Variants in PLEKHA6 observed in about 807,000 individuals in gnomAD.
The protein encoded by PLEKHA6 is pleckstrin homology domain containing A6, also known as pleckstrin homology domain-containing family A member 6.
In PLEKHA6, 60 loss-of-function variants were observed where a neutral mutation model predicts 116.7. That is an observed-to-expected ratio of 0.51 (90% CI 0.42 to 0.64). The LOEUF (loss-of-function observed/expected upper bound fraction) is 0.64. Among genes scored for constraint, PLEKHA6 ranks in the 30% least tolerant of loss-of-function variants. The pLI, the probability that PLEKHA6 is intolerant of heterozygous loss-of-function variation, is 0.00. For missense variants in PLEKHA6, 1,338 were observed against 1,422.7 expected (o/e 0.94, Z 0.96); for synonymous variants, 489 against 556.1 (o/e 0.88, Z 1.70).
At position 204,220,752 on chromosome 1, in the gene PLEKHA6, G is replaced by A. The variant is rs1239497551; in HGVS notation, c.*2036C>T. ...TATTACATATATAGATCTATAATAT[G>A]TATAATCTCCATAAAACATATATTA... is the stretch of plus-strand genomic sequence containing the variant. On this transcript the variant is annotated 3_prime_UTR_variant, in exon 23 of 23. Transcript: ENST00000272203. 4 of 152,434 alleles carry A rather than the reference G, an allele frequency of 2.6e-5. No homozygotes were observed. In the East Asian group the frequency reaches 7.7e-4, roughly 29 times the overall value. 9.4% of individuals were successfully genotyped at this position (152,434 alleles called of 1,614,324 possible). A position where few individuals can be genotyped will look rare whatever the true frequency, so the allele number is the denominator to read the frequency against.
chr1:204,287,932 A>G (rs569948235), intron 1 of PLEKHA6, among the ~76,000 whole-genome samples: 56 of 152,304 alleles, frequency 3.7e-4, no homozygotes, highest in African/African-American at 1.3e-3. Flanking sequence ...ATAATTTTAA[A>G]GATTTCCTTC....
chr1:204,247,290 T>C, intron 13 of PLEKHA6, 75 bp downstream of exon 13: 1 of 880,830 alleles, frequency 1.1e-6, no homozygotes, highest in Non-Finnish European at 1.9e-6. Context: ...GCCGGAACCT[T>C]TGCTTTTGTC....
At chr1:204,313,742 C>T in intron 1 of PLEKHA6, 1 of 981,964 alleles carries the variant, frequency 1.0e-6, no homozygotes, top group South Asian at 4.7e-5. Flanking sequence ...CCCTGGGAGA[C>T]ATGGTCATTA....
chr1:204,282,342 G>A (rs1668713781), intron 1 of PLEKHA6, among the ~76,000 whole-genome samples: 1 of 152,102 alleles, frequency 6.6e-6, no homozygotes, highest in African/African-American at 2.4e-5. Flanking sequence ...TTTACTTTAG[G>A]GAATTCCATC....
intron 1 of PLEKHA6, chr1:204,282,505 C>G (rs1473227091): frequency 2.8e-6 from 1 of 362,248 alleles, no homozygotes; most frequent in African/African-American, 2.2e-5. Context: ...CTGAGACCTC[C>G]TCACATCTCC....
intron 1 of PLEKHA6, among the ~76,000 whole-genome samples, chr1:204,331,049 T>A (rs1672429229): frequency 2.6e-5 from 4 of 151,884 alleles, no homozygotes; most frequent in Admixed American, 2.6e-4. Context: ...ACAAAAAAAT[T>A]AGCCATGCAT....
chr1:204,287,328 C>G (rs1036380368), intron 1 of PLEKHA6, among the ~76,000 whole-genome samples: 1 of 151,808 alleles, frequency 6.6e-6, no homozygotes, highest in Admixed American at 6.6e-5. Context: ...ACCTCCTCCT[C>G]CAAGCCAAGG....
intron 13 of PLEKHA6, among the ~76,000 whole-genome samples, chr1:204,246,390 G>A (rs1263577257): frequency 1.3e-5 from 2 of 152,118 alleles, no homozygotes; most frequent in African/African-American, 4.8e-5. Flanking sequence ...GGTCTATTTG[G>A]ACCCGAAGTT....
At chr1:204,274,264 G>T (rs1477771879) in intron 2 of PLEKHA6, among the ~76,000 whole-genome samples, 1 of 152,094 alleles carries the variant, frequency 6.6e-6, no homozygotes, top group Non-Finnish European at 1.5e-5. Context: ...TAGACCCTGG[G>T]GATCTAGAAA....
chr1:204,244,921 G>T lies in PLEKHA6; in HGVS notation c.2115C>A (p.Ser705Arg). ...LSSASLTSPL[S>R]PFSLVSGSQG... ...GAGAGCCCGACACCAGTGAAAAGGG[G>T]CTCAGGGGGCTGGTGAGGCTGGCAG... The change falls in exon 15 of 23, where the codon AGC becomes AGA. Residue 705 changes from serine (S) to arginine (R), a missense_variant. This residue lies in a region of PLEKHA6 where 1,136 missense variants were observed against 1,163.6 expected (regional missense o/e 0.98). Transcript: ENST00000272203. 3 of 1,529,840 alleles carry T rather than the reference G, an allele frequency of 2.0e-6. No individual in the cohort carries two copies. Among genetic ancestry groups the T allele is most frequent in the Non-Finnish European group, 2.6e-6 (3 of 1,135,438 alleles). The allele number at this position is 1,529,840 out of a possible 1,614,324, so 94.8% of individuals were successfully genotyped here. A position where few individuals can be genotyped will look rare whatever the true frequency, so the allele number is the denominator to read the frequency against.
intron 5 of PLEKHA6, among the ~76,000 whole-genome samples, chr1:204,266,410 C>T (rs564208690): frequency 6.6e-6 from 1 of 152,286 alleles, no homozygotes; most frequent in South Asian, 2.1e-4. Flanking sequence ...CCACTGCTTC[C>T]CAAAGACTCT....
At chr1:204,252,369 G>T (rs1307771889) in intron 9 of PLEKHA6, among the ~76,000 whole-genome samples, 1 of 151,824 alleles carries the variant, frequency 6.6e-6, no homozygotes, top group African/African-American at 2.4e-5. Context: ...GGGAAAGGAG[G>T]GGTGGGAGAA....
chr1:204,294,234 T>C (rs1272646284), intron 1 of PLEKHA6, among the ~76,000 whole-genome samples: 5 of 152,180 alleles, frequency 3.3e-5, no homozygotes, highest in African/African-American at 1.2e-4. Context: ...GTCCAGAAGA[T>C]AGGGTACTGG....
chr1:204,312,855 T>A (rs1166630022), intron 1 of PLEKHA6, among the ~76,000 whole-genome samples: 2 of 79,488 alleles, frequency 2.5e-5, no homozygotes, highest in Admixed American at 1.1e-4. Flanking sequence ...TCTTTTCTTT[T>A]CTTTTCTTTT....
intron 1 of PLEKHA6, among the ~76,000 whole-genome samples, chr1:204,323,247 C>T (rs1040177415): frequency 1.3e-4 from 20 of 152,258 alleles, no homozygotes; most frequent in African/African-American, 4.6e-4. Flanking sequence ...ATGGGGCACT[C>T]TCCCAAGGAC....
At chr1:204,361,430 C>A (rs1426615651), upstream of PLEKHA6, among the ~76,000 whole-genome samples, 1 of 152,246 alleles carries the variant, frequency 6.6e-6, no homozygotes, top group Non-Finnish European at 1.5e-5. Context: ...CACTCACACA[C>A]ACCACAGCAT....
intron 1 of PLEKHA6, among the ~76,000 whole-genome samples, chr1:204,354,027 A>T (rs4951366): frequency 0.63 from 96,497 of 152,138 alleles, 34,070 homozygotes; most frequent in East Asian, 0.82. Flanking sequence ...GCACCACCTG[A>T]GGCTAGGTAG....
chr1:204,365,391 C>A (rs1673629264), intron 3 of PLEKHA6, among the ~76,000 whole-genome samples: 1 of 152,164 alleles, frequency 6.6e-6, no homozygotes, highest in African/African-American at 2.4e-5. Flanking sequence ...TGGGCCTGAA[C>A]TCAGGCCATG....
chr1:204,307,363 C>G (rs539878349), intron 1 of PLEKHA6: 5 of 152,460 alleles, frequency 3.3e-5, no homozygotes, highest in Admixed American at 3.3e-4. Flanking sequence ...CAGGACCCAG[C>G]TGGGAGACGC....
Sources: allele counts gnomAD v4.1 joint callset (sites outside exome capture counted in the v4.1 genomes callset), GRCh38; gene constraint gnomAD v4.1.1; regional missense constraint gnomAD v4.1.1; transcripts MANE v1.5; gene names NCBI Gene and HGNC (gene_info 2026-07-23, HGNC 2026-07-21).